The following SBF2 variants were observed in gnomAD, a reference collection of about 807,000 sequenced individuals.
The protein encoded by SBF2 is myotubularin-related protein 13.
A neutral mutation model predicts 225.2 loss-of-function variants in SBF2; 112 were observed. That is an observed-to-expected ratio of 0.50 (90% CI 0.43 to 0.58). The LOEUF is 0.58. Among genes scored for constraint, SBF2 ranks in the 20% least tolerant of loss-of-function variants. The probability of loss-of-function intolerance (pLI) is 0.00; values close to 1 mark genes in which losing one functional copy is unlikely to be tolerated. For synonymous variants in SBF2, 763 were observed against 773.3 expected, an observed-to-expected ratio of 0.99 and a Z score of 0.22; for missense variants, 1,996 against 2,206.2, an observed-to-expected ratio of 0.90 and a Z score of 1.91.
intron 1 of SBF2, among the ~76,000 whole-genome samples, chr11:10,280,841 G>A (rs1400481971): frequency 6.6e-6 from 1 of 151,908 alleles, no homozygotes; most frequent in Non-Finnish European, 1.5e-5. Context: ...GGGATTGGGG[G>A]TGGGGGAGGC....
chr11:9,913,973 A>G (rs1023031477), intron 16 of SBF2, among the ~76,000 whole-genome samples: 3 of 152,212 alleles, frequency 2.0e-5, no homozygotes, highest in Admixed American at 1.3e-4. Flanking sequence ...AAGTGCTGCG[A>G]TTACAGGCAT....
intron 2 of SBF2, among the ~76,000 whole-genome samples, chr11:10,120,967 C>T (rs953750694): frequency 2.0e-5 from 3 of 151,856 alleles, no homozygotes; most frequent in East Asian, 1.9e-4. Context: ...GGTTCCACCA[C>T]GTTGGCAAGG....
At chr11:10,012,007 G>A (rs893394636) in intron 6 of SBF2, among the ~76,000 whole-genome samples, 1 of 152,184 alleles carries the variant, frequency 6.6e-6, no homozygotes, top group South Asian at 2.1e-4. Flanking sequence ...AAAGGTCTCT[G>A]AGAATCTGTT....
At chr11:10,044,428 T>A (rs1200410352) in intron 2 of SBF2, 1 of 155,976 alleles carries the variant, frequency 6.4e-6, no homozygotes, top group Non-Finnish European at 1.4e-5. Context: ...AATTATATAA[T>A]AAGCAAAGTA....
intron 7 of SBF2, among the ~76,000 whole-genome samples, chr11:10,001,253 C>T (rs1222570311): frequency 6.6e-6 from 1 of 152,018 alleles, no homozygotes; most frequent in African/African-American, 2.4e-5. Flanking sequence ...GCTTCCTTAA[C>T]CTTTGTTTCT....
chr11:9,882,327 A>T (rs1859838333), intron 17 of SBF2, among the ~76,000 whole-genome samples: 1 of 152,222 alleles, frequency 6.6e-6, no homozygotes, highest in African/African-American at 2.4e-5. Flanking sequence ...ATTAGGATGA[A>T]GCCAGTAAAA....
chr11:10,284,138 A>G (rs1282503496), intron 1 of SBF2, among the ~76,000 whole-genome samples: 1 of 152,210 alleles, frequency 6.6e-6, no homozygotes, highest in Admixed American at 6.5e-5. Flanking sequence ...AAGAATTAAT[A>G]CAGAAACCAT....
intron 32 of SBF2, among the ~76,000 whole-genome samples, chr11:9,797,159 G>T (rs1369455168): frequency 6.6e-6 from 1 of 152,146 alleles, no homozygotes; most frequent in Non-Finnish European, 1.5e-5. Context: ...TTGGCAATAC[G>T]GACCTGTACT....
chr11:10,010,340 A>G (rs1157885399), intron 6 of SBF2, among the ~76,000 whole-genome samples: 2 of 152,172 alleles, frequency 1.3e-5, no homozygotes, highest in African/African-American at 4.8e-5. Flanking sequence ...GGTATTGCCT[A>G]GATCTTCTTC....
intron 2 of SBF2, among the ~76,000 whole-genome samples, chr11:10,063,566 C>T (rs1402632735): frequency 6.6e-6 from 1 of 151,476 alleles, no homozygotes; most frequent in African/African-American, 2.4e-5. Flanking sequence ...ATCATGTTAG[C>T]CAGGATGGTC....
chr11:10,286,164 A>ACG (rs903545207), intron 1 of SBF2, among the ~76,000 whole-genome samples: 69 of 111,710 alleles, frequency 6.2e-4, no homozygotes, highest in Non-Finnish European at 7.5e-4. Flanking sequence ...AAACACGCAC[A>ACG]CGCACACACA....
intron 1 of SBF2, among the ~76,000 whole-genome samples, chr11:10,237,988 A>G: frequency 6.6e-6 from 1 of 152,236 alleles, no homozygotes; most frequent in Admixed American, 6.5e-5. Flanking sequence ...AAATAAAGCT[A>G]CTACGAACAT....
intron 16 of SBF2, among the ~76,000 whole-genome samples, chr11:9,931,312 C>T (rs1375934298): frequency 2.0e-5 from 3 of 152,222 alleles, no homozygotes; most frequent in East Asian, 3.8e-4. Flanking sequence ...CAAGTGGGTC[C>T]CTGACCCCTG....
rs541893679 is a variant in SBF2, at chr11:10,178,405, C to G, written c.141+15497G>C. ...AGAAACTACCATCAGAGTGAACAGG[C>G]AACCTACAAAATGGGAGAAAATTTT... On this transcript the variant is annotated intron_variant, in intron 2 of 39. Transcript: ENST00000256190. 2.5e-4 allele frequency among the ~76,000 whole-genome samples: 35 copies of G among 141,862 alleles called. 1 individual carries two copies. The South Asian group carries it at 7.4e-3, about 30-fold the overall frequency. 93.1% of individuals were successfully genotyped at this position (141,862 alleles called of 152,430 possible). A position where few individuals can be genotyped will look rare whatever the true frequency, so the allele number is the denominator to read the frequency against.
chr11:10,071,792 T>C (rs567795390), intron 2 of SBF2, among the ~76,000 whole-genome samples: 3 of 152,318 alleles, frequency 2.0e-5, no homozygotes, highest in Non-Finnish European at 2.9e-5. Context: ...ATGTTATGGA[T>C]TACGTTTATT....
chr11:10,011,750 A>C (rs1196853357), intron 6 of SBF2, among the ~76,000 whole-genome samples: 1 of 152,170 alleles, frequency 6.6e-6, no homozygotes, highest in Non-Finnish European at 1.5e-5. Flanking sequence ...ATTGATTCAT[A>C]TAGATGAATT....
intron 17 of SBF2, among the ~76,000 whole-genome samples, chr11:9,859,858 C>T (rs1056204857): frequency 6.6e-6 from 1 of 152,208 alleles, no homozygotes; most frequent in East Asian, 1.9e-4. Context: ...CTGTGTACTA[C>T]ATGCCATCTG....
intron 20 of SBF2, among the ~76,000 whole-genome samples, chr11:9,853,054 G>A (rs535409635): frequency 4.6e-5 from 7 of 152,240 alleles, no homozygotes; most frequent in South Asian, 4.1e-4. Context: ...GCCATACCAT[G>A]GAAAGTTACT....
intron 16 of SBF2, among the ~76,000 whole-genome samples, chr11:9,943,704 G>A (rs564816473): frequency 2.0e-5 from 3 of 152,170 alleles, no homozygotes; most frequent in South Asian, 4.2e-4. Flanking sequence ...TGGACTGGTA[G>A]AATTTAAGAA....
Sources: allele counts gnomAD v4.1 joint callset (sites outside exome capture counted in the v4.1 genomes callset), GRCh38; gene constraint gnomAD v4.1.1; transcripts MANE v1.5; gene names NCBI Gene and HGNC (gene_info 2026-07-23, HGNC 2026-07-21).